The following SGCZ variants were observed in gnomAD, a reference collection of about 807,000 sequenced individuals.
The protein encoded by SGCZ is sarcoglycan zeta, also known as zeta-sarcoglycan.
Under a neutral mutation model 41.3 loss-of-function variants are expected in SGCZ, and 40 were observed. That is an observed-to-expected ratio of 0.97 (90% confidence interval 0.75 to 1.26). The LOEUF is 1.26. Ranked by LOEUF, SGCZ falls within the 50% of genes most tolerant of loss-of-function variation. The probability of loss-of-function intolerance (pLI) is 0.00; values close to 1 mark genes in which losing one functional copy is unlikely to be tolerated. For synonymous variants in SGCZ, 206 were observed against 137.5 expected (o/e 1.50, Z -3.49); for missense variants, 552 against 369.8 (o/e 1.49, Z -4.04).
At chr8:14,097,338 T>C (rs1203175343) in intron 7 of SGCZ, among the ~76,000 whole-genome samples, 2 of 152,222 alleles carry the variant, frequency 1.3e-5, no homozygotes, top group South Asian at 2.1e-4. Context: ...CTTTCTGCCT[T>C]CACTTCGTGA....
intron 1 of SGCZ, among the ~76,000 whole-genome samples, chr8:14,698,996 T>C (rs892433185): frequency 5.3e-5 from 8 of 151,736 alleles, no homozygotes; most frequent in Non-Finnish European, 8.8e-5. Flanking sequence ...TAATAAACTA[T>C]GATAAAAGTT....
chr8:14,998,723 C>T (rs952618428), intron 1 of SGCZ, among the ~76,000 whole-genome samples: 1 of 152,148 alleles, frequency 6.6e-6, no homozygotes, highest in Admixed American at 6.5e-5. Context: ...TATAGAGTTG[C>T]AATGCTTGCA....
chr8:14,189,193 C>T (rs1023261633), intron 4 of SGCZ, among the ~76,000 whole-genome samples: 5 of 152,062 alleles, frequency 3.3e-5, no homozygotes, highest in African/African-American at 1.2e-4. Flanking sequence ...CCACTATCAT[C>T]TATAATCTGG....
At chr8:14,409,972 C>T (rs1220876040) in intron 2 of SGCZ, among the ~76,000 whole-genome samples, 2 of 152,144 alleles carry the variant, frequency 1.3e-5, no homozygotes, top group African/African-American at 4.8e-5. Flanking sequence ...GGGTCCCCAA[C>T]TCCCAGGCCA....
chr8:14,693,758 T>G (rs1017733679), intron 1 of SGCZ, among the ~76,000 whole-genome samples: 2 of 151,346 alleles, frequency 1.3e-5, no homozygotes, highest in Non-Finnish European at 3.0e-5. Context: ...TCCCAGCTAA[T>G]TTTTTGTATT....
intron 2 of SGCZ, among the ~76,000 whole-genome samples, chr8:14,373,995 A>T (rs1490080202): frequency 6.6e-6 from 1 of 152,120 alleles, no homozygotes; most frequent in Non-Finnish European, 1.5e-5. Context: ...AAATAAAAAA[A>T]TACACAGATA....
chr8:14,211,970 G>A (rs990702247), intron 4 of SGCZ, among the ~76,000 whole-genome samples: 1 of 152,180 alleles, frequency 6.6e-6, no homozygotes, highest in Non-Finnish European at 1.5e-5. Context: ...CAGTCCTGAG[G>A]TGGAAGAATG....
chr8:15,163,978 C>A (rs1563159997), intron 1 of SGCZ, among the ~76,000 whole-genome samples: 1 of 152,224 alleles, frequency 6.6e-6, no homozygotes, highest in Non-Finnish European at 1.5e-5. Flanking sequence ...GCTGGCCTCT[C>A]CGCTTCCTGC....
chr8:15,100,708 T>C (rs1806576172), intron 1 of SGCZ, among the ~76,000 whole-genome samples: 1 of 152,178 alleles, frequency 6.6e-6, no homozygotes. Context: ...GTAGGCCAAA[T>C]GTGGTGGCTC....
At chr8:14,108,136 G>A (rs1451832448) in intron 6 of SGCZ, 27 bp downstream of exon 6, 1 of 1,602,738 alleles carries the variant, frequency 6.2e-7, no homozygotes, top group East Asian at 2.2e-5. Context: ...TGGATTTTAT[G>A]CCACAGGTAT....
intron 3 of SGCZ, among the ~76,000 whole-genome samples, chr8:14,272,358 T>C (rs941076071): frequency 6.6e-6 from 1 of 152,202 alleles, no homozygotes; most frequent in Non-Finnish European, 1.5e-5. Flanking sequence ...GGTGACTATA[T>C]GACGGACTTT....
At chr8:14,797,115 C>A (rs561568252) in intron 1 of SGCZ, among the ~76,000 whole-genome samples, 10 of 151,952 alleles carry the variant, frequency 6.6e-5, no homozygotes, top group African/African-American at 2.4e-4. Context: ...TATAAGGATA[C>A]CTGAAAATGT....
chr8:14,430,639 C>T (rs1218702904), intron 2 of SGCZ, among the ~76,000 whole-genome samples: 2 of 152,124 alleles, frequency 1.3e-5, no homozygotes, highest in Non-Finnish European at 2.9e-5. Context: ...TGGAATGAGA[C>T]AAGGATGCCC....
chr8:14,766,731 T>C (rs1800047983), intron 1 of SGCZ, among the ~76,000 whole-genome samples: 1 of 144,406 alleles, frequency 6.9e-6, no homozygotes. Flanking sequence ...CCAGCTATTT[T>C]TTTTTTTTTT....
chr8:14,384,234 C>T (rs959487526), intron 2 of SGCZ, among the ~76,000 whole-genome samples: 4 of 151,948 alleles, frequency 2.6e-5, no homozygotes, highest in Admixed American at 6.6e-5. Flanking sequence ...TTTGTCCTTG[C>T]GATAGTTTGC....
intron 3 of SGCZ, among the ~76,000 whole-genome samples, chr8:14,257,831 C>A (rs571766549): frequency 1.3e-5 from 2 of 152,186 alleles, no homozygotes; most frequent in South Asian, 2.1e-4. Flanking sequence ...TAACAAATTT[C>A]TTTGGCAATT....
chr8:14,745,909 T>A (rs1423760739), intron 1 of SGCZ, among the ~76,000 whole-genome samples: 2 of 151,872 alleles, frequency 1.3e-5, no homozygotes, highest in Non-Finnish European at 2.9e-5. Flanking sequence ...CCAAACAGAT[T>A]TTTTTTTAAA....
intron 1 of SGCZ, among the ~76,000 whole-genome samples, chr8:14,647,066 G>C (rs1180920040): frequency 6.6e-6 from 1 of 151,912 alleles, no homozygotes; most frequent in African/African-American, 2.4e-5. Flanking sequence ...AAAAGAAAGG[G>C]GAAGCCCATT....
At chr8:15,220,165 A>G (rs1801544545) in intron 1 of SGCZ, among the ~76,000 whole-genome samples, 1 of 152,218 alleles carries the variant, frequency 6.6e-6, no homozygotes, top group African/African-American at 2.4e-5. Context: ...TCCTCAACAT[A>G]GTCTAAACAA....
Sources: gnomAD v4.1 joint callset for allele counts (sites outside exome capture counted in the v4.1 genomes callset) on GRCh38, gnomAD v4.1.1 for gene constraint, MANE v1.5 for transcripts, NCBI Gene and HGNC (gene_info 2026-07-23, HGNC 2026-07-21) for gene names.